Variants in NSUN7 observed in about 807,000 individuals in gnomAD.
The protein encoded by NSUN7 is protein NSUN7.
Under a neutral mutation model 58.5 loss-of-function variants are expected in NSUN7, and 39 were observed. The ratio of observed to expected loss-of-function variants is 0.67; its 90% CI spans 0.52 to 0.87. NSUN7 has a LOEUF of 0.87. Among genes scored for constraint, NSUN7 ranks in the 40% least tolerant of loss-of-function variants. The pLI is 0.00. For missense variants in NSUN7, 765 were observed against 844.1 expected, an observed-to-expected ratio of 0.91 and a Z score of 1.16; for synonymous variants, 278 against 303.7, an observed-to-expected ratio of 0.92 and a Z score of 0.88.
intron 7 of NSUN7, among the ~76,000 whole-genome samples, chr4:40,783,871 C>T (rs898240907): frequency 7.9e-5 from 12 of 151,308 alleles, no homozygotes; most frequent in African/African-American, 2.9e-4. Flanking sequence ...AGATAACTCA[C>T]AGAATGGGAG....
chr4:40,803,235 C>T (rs12502012), intron 10 of NSUN7, among the ~76,000 whole-genome samples: 32,342 of 151,720 alleles, frequency 0.21, 4,189 homozygotes, highest in East Asian at 0.38. Context: ...TGACTAGTGC[C>T]GCAATAAACA....
chr4:40,807,243 C>T (rs1487941333), intron 11 of NSUN7, 59 bp downstream of exon 11: 3 of 1,455,346 alleles, frequency 2.1e-6, no homozygotes, highest in Admixed American at 2.6e-5. Flanking sequence ...TACAAAGCCT[C>T]ATAAGAGGAA....
chr4:40,766,919 G>C (rs1238274344), intron 4 of NSUN7, among the ~76,000 whole-genome samples: 1 of 146,578 alleles, frequency 6.8e-6, no homozygotes, highest in South Asian at 2.2e-4. Context: ...CTGTGGGATC[G>C]GTGGTGATAT....
intron 4 of NSUN7, among the ~76,000 whole-genome samples, chr4:40,769,316 G>A (rs956443102): frequency 6.6e-6 from 1 of 152,142 alleles, no homozygotes; most frequent in African/African-American, 2.4e-5. Flanking sequence ...GAATATCTTG[G>A]ATCAGTCTTC....
chr4:40,773,868 G>A (rs1443405429), intron 4 of NSUN7, among the ~76,000 whole-genome samples: 6 of 151,922 alleles, frequency 3.9e-5, no homozygotes, highest in South Asian at 2.1e-4. Context: ...GTGGAATCTC[G>A]GTTCACTGCA....
At chr4:40,753,276 C>G (rs1357373398) in intron 2 of NSUN7, among the ~76,000 whole-genome samples, 1 of 149,830 alleles carries the variant, frequency 6.7e-6, no homozygotes, top group African/African-American at 2.5e-5. Flanking sequence ...ATTATTTTAT[C>G]TTTCTTTTTT....
At chr4:40,758,641 G>A (rs531473234) in intron 2 of NSUN7, among the ~76,000 whole-genome samples, 218 of 151,678 alleles carry the variant, frequency 1.4e-3, no homozygotes, top group African/African-American at 4.8e-3. Flanking sequence ...CTTAGCCAAC[G>A]TGGCAAAAAC....
At chr4:40,797,033 G>T (rs992015827) in intron 9 of NSUN7, among the ~76,000 whole-genome samples, 45 of 152,136 alleles carry the variant, frequency 3.0e-4, no homozygotes, top group African/African-American at 1.0e-3. Flanking sequence ...TGTGTCAGTT[G>T]CCAGCCCTGG....
Position 40,810,062 on chromosome 4 carries a change from AGTT to A in NSUN7, c.*1126_*1128del, listed in dbSNP as rs1242201458. On this transcript the variant is annotated 3_prime_UTR_variant, in exon 12 of 12. Coordinates refer to ENST00000381782, the MANE Select transcript of NSUN7 (RefSeq NM_024677.6). ...ATTTAAAGTTTTATTTTTGCAATTC[AGTT>A]GTATAGAAATGTTACATAAATTCCT... The A allele has an allele frequency of 6.6e-6, 1 of 152,226 alleles. No individual in the cohort carries two copies. Among genetic ancestry groups the A allele is most frequent in the African/African-American group, 2.4e-5 (1 of 41,464 alleles). 9.4% of individuals were successfully genotyped at this position (152,226 alleles called of 1,614,324 possible).
At position 40,774,365 on chromosome 4, in the gene NSUN7, C is replaced by A; in HGVS notation, c.589C>A (p.Leu197Ile). 6.2e-7 allele frequency: 1 copy of A among 1,613,968 alleles called. No homozygotes were observed. The highest frequency in any genetic ancestry group is 8.5e-7 in the Non-Finnish European group (1 of 1,179,856). The change falls in exon 5 of 12, where the codon CTA (leucine) becomes ATA (isoleucine). Residue 197 changes from leucine (L) to isoleucine (I), a missense_variant. Leu to Ile is a conservative substitution (Grantham distance 5). Transcript: ENST00000381782. ...TCCAGAAACAGTTAGGAAACAGGAA[C>A]TAAGGGCCTCCACTTTACCACTTTA... Reference protein sequence around the residue: ...ILPETVRKQELRASTLPLYAW... With the variant: ...ILPETVRKQEIRASTLPLYAW...
At chr4:40,755,479 C>T (rs1305685048) in intron 2 of NSUN7, among the ~76,000 whole-genome samples, 2 of 152,002 alleles carry the variant, frequency 1.3e-5, no homozygotes, top group Non-Finnish European at 2.9e-5. Flanking sequence ...AAGAGATATC[C>T]CTGAAATTGC....
At chr4:40,801,856 C>T (rs1010499404) in intron 10 of NSUN7, among the ~76,000 whole-genome samples, 13 of 145,764 alleles carry the variant, frequency 8.9e-5, no homozygotes, top group African/African-American at 3.1e-4. Flanking sequence ...GAGCCGAGAT[C>T]GCATCACTGC....
At position 40,794,418 on chromosome 4, in the gene NSUN7, G is replaced by T; in HGVS notation, c.1224G>T (p.Val408=). The change falls in exon 9 of 12, where the codon GTG becomes GTT. Residue 408 remains valine, a synonymous_variant. Coordinates refer to ENST00000381782, the MANE Select transcript of NSUN7 (RefSeq NM_024677.6). ...ATCACTCTCAAGGAGGCATCTCAGT[G>T]GACAAACTTCACGTTCTTGCTCAAC... ...LKDHSQGGIS[V]DKLHVLAQQQ... 6.2e-7 allele frequency: 1 copy of T among 1,612,584 alleles called. No homozygotes were observed. The highest frequency in any genetic ancestry group is 8.5e-7 in the Non-Finnish European group (1 of 1,179,060).
rs1430052293 is a variant in NSUN7, at chr4:40,808,897, C to T, written c.2115C>T (p.Asp705=). 6.5e-7 allele frequency: 1 copy of T among 1,542,410 alleles called. No individual in the cohort carries two copies. Among genetic ancestry groups the T allele is most frequent in the Non-Finnish European group, 8.7e-7 (1 of 1,145,912 alleles). The change falls in exon 12 of 12, where the codon GAC becomes GAT. Residue 705 remains aspartate, a synonymous_variant. Transcript: ENST00000381782. ...LSRKEEKPKD[D]TPSSLLRPPR... The stretch of plus-strand genomic sequence containing the variant: ...GAAAAGAGGAAAAGCCTAAAGATGA[C>T]ACACCTTCCTCCCTACTCAGGCCTC...
Position 40,809,242 on chromosome 4 carries a change from GC to G in NSUN7, c.*305del, listed in dbSNP as rs918409135. 2.4e-4 allele frequency: 59 copies of G among 244,106 alleles called. No individual in the cohort carries two copies. The highest frequency in any genetic ancestry group is 1.3e-3 in the Middle Eastern group (1 of 784). 15.1% of individuals were successfully genotyped at this position (244,106 alleles called of 1,614,324 possible). ...GAACTTTCAGGCTGGACTTAAAGCTGCCAAGTTTCCCCTGCAGGGAAGGAAA... is the reference window on the plus strand; with the variant it reads ...GAACTTTCAGGCTGGACTTAAAGCTGCAAGTTTCCCCTGCAGGGAAGGAAA... On this transcript the variant is annotated 3_prime_UTR_variant, in exon 12 of 12. Coordinates refer to ENST00000381782, the MANE Select transcript of NSUN7 (RefSeq NM_024677.6).
At chr4:40,780,634 G>A (rs1472639804) in intron 7 of NSUN7, among the ~76,000 whole-genome samples, 1 of 150,224 alleles carries the variant, frequency 6.7e-6, no homozygotes, top group Non-Finnish European at 1.5e-5. Flanking sequence ...AGGAGAGAAA[G>A]GGGACATAAA....
rs16852479 is a variant in NSUN7, at chr4:40,760,217, T to G, written c.299-217T>G. Among the ~76,000 whole-genome samples the G allele has an allele frequency of 0.017, 2,527 of 152,328 alleles. 66 individuals are homozygous for G. Among genetic ancestry groups the G allele is most frequent in the African/African-American group, 0.058 (2,415 of 41,568 alleles). ...TATTCAGATAATGCTTCTTTAACTA[T>G]GATTCCATGCGGACCCTAGGTCATA... On this transcript the variant is annotated intron_variant, in intron 2 of 11. Coordinates refer to ENST00000381782, the MANE Select transcript of NSUN7 (RefSeq NM_024677.6).
intron 10 of NSUN7, among the ~76,000 whole-genome samples, chr4:40,799,447 C>T (rs1027721731): frequency 9.2e-5 from 14 of 151,472 alleles, no homozygotes; most frequent in African/African-American, 2.7e-4. Flanking sequence ...ATACCTTTAC[C>T]TCAGGTGTTC....
At chr4:40,789,036 A>C (rs894609578) in intron 7 of NSUN7, among the ~76,000 whole-genome samples, 1 of 152,234 alleles carries the variant, frequency 6.6e-6, no homozygotes, top group Non-Finnish European at 1.5e-5. Context: ...AAAGGGTTTT[A>C]GAATTAGAAT....
Sources: allele counts gnomAD v4.1 joint callset (sites outside exome capture counted in the v4.1 genomes callset), GRCh38; gene constraint gnomAD v4.1.1; transcripts MANE v1.5; gene names NCBI Gene and HGNC (gene_info 2026-07-23, HGNC 2026-07-21).